The following GABRR2 variants were observed in gnomAD, a reference collection of about 807,000 sequenced individuals.
GABRR2 encodes gamma-aminobutyric acid receptor subunit rho-2.
Under a neutral mutation model 47.0 loss-of-function variants are expected in GABRR2, and 36 were observed. That is an observed-to-expected ratio of 0.77 (90% CI 0.59 to 1.01). GABRR2 has a LOEUF of 1.01. Ranked by LOEUF, GABRR2 falls within the 50% of genes least tolerant of loss-of-function variation. The pLI is 0.00. For synonymous variants in GABRR2, 204 were observed against 227.5 expected (o/e 0.90, Z 0.93); for missense variants, 587 against 594.6 (o/e 0.99, Z 0.13).
rs536646250 is a variant in GABRR2, at chr6:89,309,771, C to A, written c.113+5282G>T. On this transcript the variant is annotated intron_variant, in intron 1 of 8. Transcript: ENST00000402938. ...ATTAGCATTAGCACCCATGCTTCTT[C>A]TTCTTCTTATTATTATTATTTTTAG... Among the ~76,000 whole-genome samples the A allele has an allele frequency of 1.0e-3, 156 of 151,522 alleles. 1 individual carries two copies. The highest frequency in any genetic ancestry group is 3.4e-3 in the Middle Eastern group (1 of 294).
intron 1 of GABRR2, among the ~76,000 whole-genome samples, chr6:89,311,356 C>T (rs1337952306): frequency 6.6e-6 from 1 of 152,166 alleles, no homozygotes; most frequent in Non-Finnish European, 1.5e-5. Context: ...CCCACCCCAA[C>T]AAGAGAGAGA....
At chr6:89,292,811 A>ATATAT (rs1191869759) in intron 2 of GABRR2, among the ~76,000 whole-genome samples, 1 of 13,790 alleles carries the variant, frequency 7.3e-5, no homozygotes, top group African/African-American at 5.5e-4. Flanking sequence ...TATCGTATAT[A>ATATAT]CGATATATCG....
At chr6:89,262,216 G>C (rs1773763177) in intron 8 of GABRR2, among the ~76,000 whole-genome samples, 1 of 152,122 alleles carries the variant, frequency 6.6e-6, no homozygotes, top group South Asian at 2.1e-4. Context: ...CTGTTCACTT[G>C]AGTGACTTTG....
At chr6:89,305,757 T>C (rs1767548119) in intron 1 of GABRR2, among the ~76,000 whole-genome samples, 1 of 152,024 alleles carries the variant, frequency 6.6e-6, no homozygotes, top group African/African-American at 2.4e-5. Context: ...TGAGAACACA[T>C]GGACACAAAG....
chr6:89,313,668 GCACT>G (rs1767714245), intron 1 of GABRR2, among the ~76,000 whole-genome samples: 1 of 152,146 alleles, frequency 6.6e-6, no homozygotes, highest in Non-Finnish European at 1.5e-5. Context: ...TGTAATCCTA[GCACT>G]TTGGGAGGCC....
At chr6:89,270,645 A>G (rs1774029922) in intron 3 of GABRR2, 1 of 152,224 alleles carries the variant, frequency 6.6e-6, no homozygotes, top group Admixed American at 6.5e-5. Flanking sequence ...AGTATCAATC[A>G]TATCAGCTCT....
intron 4 of GABRR2, 125 bp downstream of exon 4, chr6:89,268,886 C>T (rs1773975460): frequency 1.3e-6 from 1 of 760,574 alleles, no homozygotes; most frequent in Admixed American, 2.3e-5. Flanking sequence ...TGACTAGCAT[C>T]AGAAGGCTCC....
Position 89,257,941 on chromosome 6 carries a change from A to G in GABRR2, c.1127T>C (p.Met376Thr). The G allele has an allele frequency of 2.5e-6, 4 of 1,613,900 alleles. No individual in the cohort carries two copies. Among genetic ancestry groups the G allele is most frequent in the Non-Finnish European group, 3.4e-6 (4 of 1,179,852 alleles). The part of the protein sequence containing the change: ...MCGMLHSKTM[M>T]LDGSYSESEA... The stretch of plus-strand genomic sequence containing the variant: ...AGACTCACTGTAGCTTCCATCCAGC[A>G]TCATGGTTTTTGAATGAAGCATTCC... Residue 376 changes from methionine (M) to threonine (T), a missense_variant, in exon 9 of 9, where the codon ATG becomes ACG. Physicochemically the swap from Met to Thr is moderately conservative, Grantham distance 81. Coordinates refer to ENST00000402938, the MANE Select transcript of GABRR2 (RefSeq NM_002043.5).
At chr6:89,267,464 G>A (rs1301902770) in intron 6 of GABRR2, among the ~76,000 whole-genome samples, 1 of 152,178 alleles carries the variant, frequency 6.6e-6, no homozygotes, top group Non-Finnish European at 1.5e-5. Context: ...CTACTCAGGA[G>A]GCTGACGTGG....
intron 2 of GABRR2, among the ~76,000 whole-genome samples, chr6:89,272,364 A>G (rs1378814211): frequency 1.3e-5 from 2 of 152,242 alleles, no homozygotes; most frequent in African/African-American, 4.8e-5. Context: ...CATCTGGCCT[A>G]CGGCAAGATT....
intron 1 of GABRR2, among the ~76,000 whole-genome samples, chr6:89,309,526 T>A (rs1767641004): frequency 2.0e-5 from 3 of 152,344 alleles, no homozygotes; most frequent in Non-Finnish European, 4.4e-5. Context: ...TTGAAAGTGA[T>A]GGCAATATAG....
At chr6:89,309,947 C>CT (rs565193467) in intron 1 of GABRR2, among the ~76,000 whole-genome samples, 31,626 of 128,078 alleles carry the variant, frequency 0.25, 4,648 homozygotes, top group African/African-American at 0.38. Context: ...CCTGGCTAAT[C>CT]TTTTTTTTTT....
At chr6:89,288,962 C>T (rs1158447988) in intron 2 of GABRR2, among the ~76,000 whole-genome samples, 1 of 152,184 alleles carries the variant, frequency 6.6e-6, no homozygotes, top group Non-Finnish European at 1.5e-5. Flanking sequence ...AATCACTACA[C>T]TGTGAACAAA....
chr6:89,315,114 C>G lies in GABRR2; in HGVS notation c.52G>C (p.Val18Leu), dbSNP rs776453341. The G allele has an allele frequency of 3.7e-6, 6 of 1,613,864 alleles. No homozygotes were observed. Among genetic ancestry groups the G allele is most frequent in the African/African-American group, 1.3e-5 (1 of 75,018 alleles). Reference protein sequence around the residue: ...ILFLFCLMVLVESRKPKRKRW... With the variant: ...ILFLFCLMVLLESRKPKRKRW... ...TTCCTCTTGGGTTTTCTGCTCTCCACGAGAACCATCAAGCAAAACAAGAAC... is the reference window on the plus strand; with the variant it reads ...TTCCTCTTGGGTTTTCTGCTCTCCAGGAGAACCATCAAGCAAAACAAGAAC... Residue 18 changes from valine to leucine, a missense_variant, in exon 1 of 9, where the codon GTG becomes CTG. Physicochemically the swap from Val to Leu is conservative, Grantham distance 32. Transcript: ENST00000402938.
chr6:89,273,490 C>T (rs1455417443), intron 2 of GABRR2, among the ~76,000 whole-genome samples: 1 of 152,232 alleles, frequency 6.6e-6, no homozygotes, highest in Non-Finnish European at 1.5e-5. Context: ...CCGCCTCGGC[C>T]TCCCAAAGTG....
In GABRR2 at chr6:89,307,579, C is replaced by A. The variant is rs551508565; in HGVS notation, c.113+7474G>T. The stretch of plus-strand genomic sequence containing the variant: ...CGCTAGGATAAGCCTTAATCTAATG[C>A]CTTTGGCAATGTCCTGAGAGCTGCC... On this transcript the variant is annotated intron_variant, in intron 1 of 8. Coordinates refer to ENST00000402938, the MANE Select transcript of GABRR2 (RefSeq NM_002043.5). Among the ~76,000 whole-genome samples the A allele has an allele frequency of 1.3e-3, 198 of 152,284 alleles. 1 individual carries two copies. The highest frequency in any genetic ancestry group is 2.6e-3 in the Non-Finnish European group (174 of 68,030).
intron 1 of GABRR2, among the ~76,000 whole-genome samples, chr6:89,311,789 G>A (rs2127852498): frequency 6.6e-6 from 1 of 152,316 alleles, no homozygotes; most frequent in African/African-American, 2.4e-5. Context: ...CCATGGGGAA[G>A]GGCTCACCAC....
chr6:89,275,985 A>G (rs1284148782), intron 2 of GABRR2, among the ~76,000 whole-genome samples: 1 of 151,666 alleles, frequency 6.6e-6, no homozygotes, highest in Admixed American at 6.6e-5. Flanking sequence ...AATAAACATA[A>G]ATCCCCTCTG....
chr6:89,311,654 C>T (rs1454793232), intron 1 of GABRR2, among the ~76,000 whole-genome samples: 3 of 152,142 alleles, frequency 2.0e-5, no homozygotes, highest in African/African-American at 4.8e-5. Context: ...CTGATGTCAC[C>T]GTGTTGTGGT....
Sources: allele counts gnomAD v4.1 joint callset (sites outside exome capture counted in the v4.1 genomes callset), GRCh38; gene constraint gnomAD v4.1.1; transcripts MANE v1.5; gene names NCBI Gene and HGNC (gene_info 2026-07-23, HGNC 2026-07-21).